The following PCNT variants were observed in gnomAD, a reference collection of about 807,000 sequenced individuals.
PCNT encodes the protein kendrin.
Under a neutral mutation model 380.4 loss-of-function variants are expected in PCNT, and 319 were observed. The ratio of observed to expected loss-of-function variants is 0.84; its 90% confidence interval spans 0.77 to 0.92. The LOEUF is 0.92. Among genes scored for constraint, PCNT ranks in the 40% least tolerant of loss-of-function variants. The pLI is 0.00. For missense variants in PCNT, 4,400 were observed against 4,255.3 expected (o/e 1.03, Z -0.95); for synonymous variants, 1,845 against 1,735.2 (o/e 1.06, Z -1.57).
At chr21:46,372,187 A>G (rs1569214540) in intron 15 of PCNT, among the ~76,000 whole-genome samples, 1 of 150,132 alleles carries the variant, frequency 6.7e-6, no homozygotes, top group Non-Finnish European at 1.5e-5. Context: ...ACATGCACAC[A>G]CAGCACACAC....
rs1403336685 is a variant in PCNT at position 46,366,566 on chromosome 21, T to C, written c.2610-18T>C. ...CTGATGCATGTTTAACTGTCCTGTG[T>C]TCACTTTGTTGCCGCAGGTTTTTAG... On this transcript the variant is annotated intron_variant, in intron 14 of 46. Transcript: ENST00000359568. The C allele has an allele frequency of 6.2e-7, 1 of 1,609,620 alleles. No individual in the cohort carries two copies. Among genetic ancestry groups the C allele is most frequent in the Non-Finnish European group, 8.5e-7 (1 of 1,176,030 alleles).
chr21:46,401,535 C>T lies in PCNT; in HGVS notation c.4792-16C>T, dbSNP rs949795274. 5 of 1,448,004 alleles carry T rather than the reference C, an allele frequency of 3.5e-6. No individual in the cohort carries two copies. Among genetic ancestry groups the T allele is most frequent in the Admixed American group, 1.8e-5 (1 of 56,640 alleles). 89.7% of individuals were successfully genotyped at this position (1,448,004 alleles called of 1,614,324 possible). A position where few individuals can be genotyped will look rare whatever the true frequency, so the allele number is the denominator to read the frequency against. ...CCAAATATTTGCCTAAAATAGAGTT[C>T]TTTTTTTTTTAATAGGATAAAGAGG... On this transcript the variant is annotated splice_polypyrimidine_tract_variant and intron_variant, in intron 25 of 46. Coordinates refer to ENST00000359568, the MANE Select transcript of PCNT (RefSeq NM_006031.6).
At chr21:46,341,046 G>A (rs184596812) in intron 3 of PCNT, among the ~76,000 whole-genome samples, 4 of 134,442 alleles carry the variant, frequency 3.0e-5, no homozygotes, top group Non-Finnish European at 6.3e-5. Context: ...ACCATATCCG[G>A]CTGATTTTTG....
chr21:46,400,220 C>T (rs1307206555), intron 25 of PCNT, among the ~76,000 whole-genome samples: 3 of 152,136 alleles, frequency 2.0e-5, no homozygotes, highest in Non-Finnish European at 2.9e-5. Context: ...TTTTGCATTG[C>T]TGGTGTTTGC....
Position 46,445,424 on chromosome 21 carries a change from A to T in PCNT, c.*97A>T. 1.1e-6 allele frequency: 1 copy of T among 931,428 alleles called. No homozygotes were observed. 57.7% of individuals were successfully genotyped at this position (931,428 alleles called of 1,614,324 possible). A position where few individuals can be genotyped will look rare whatever the true frequency, so the allele number is the denominator to read the frequency against. On this transcript the variant is annotated 3_prime_UTR_variant, in exon 47 of 47. Transcript: ENST00000359568. ...AAGCTCGTGGGACAGCATGGGCACT[A>T]CTCTTCATGTGCGGTGACACCAGCC...
intron 29 of PCNT, among the ~76,000 whole-genome samples, chr21:46,414,332 C>T (rs2086921878): frequency 6.6e-6 from 1 of 152,130 alleles, no homozygotes; most frequent in Non-Finnish European, 1.5e-5. Flanking sequence ...ACCTCGCCTC[C>T]TCCAGTCCAA....
intron 34 of PCNT, among the ~76,000 whole-genome samples, chr21:46,428,186 G>A (rs1356342465): frequency 5.3e-5 from 8 of 152,226 alleles, no homozygotes; most frequent in Admixed American, 2.0e-4. Flanking sequence ...AGTGTTGAGA[G>A]TAACTGGCTT....
intron 3 of PCNT, among the ~76,000 whole-genome samples, chr21:46,338,470 T>C (rs1601772116): frequency 6.6e-6 from 1 of 152,342 alleles, no homozygotes; most frequent in East Asian, 1.9e-4. Context: ...AAGCTTTAGA[T>C]TGATCAGTAG....
chr21:46,339,745 A>G (rs2083861029), intron 3 of PCNT, among the ~76,000 whole-genome samples: 1 of 152,146 alleles, frequency 6.6e-6, no homozygotes, highest in Non-Finnish European at 1.5e-5. Context: ...CTTTGGCAAC[A>G]CCCTCACAGA....
chr21:46,416,461 A>G lies in PCNT; in HGVS notation c.6543A>G (p.Glu2181=), dbSNP rs2087029998. 1 of 1,614,096 alleles carries G rather than the reference A, an allele frequency of 6.2e-7. No homozygotes were observed. Among genetic ancestry groups the G allele is most frequent in the Admixed American group, 1.7e-5 (1 of 60,014 alleles). Reference sequence around the variant, plus strand: ...AAATGCCAGATTCTCCCATTCAAGAAAAATCAGAATGTCAGGACATGTCTC... The same window carrying G: ...AAATGCCAGATTCTCCCATTCAAGAGAAATCAGAATGTCAGGACATGTCTC... ...PDEMPDSPIQ[E]KSECQDMSLS... The change falls in exon 30 of 47, where the codon GAA becomes GAG. Residue 2181 remains glutamate, a synonymous_variant. Transcript: ENST00000359568.
intron 11 of PCNT, 33 bp downstream of exon 11, chr21:46,354,101 C>T: frequency 6.3e-7 from 1 of 1,578,288 alleles, no homozygotes; most frequent in Non-Finnish European, 8.7e-7. Flanking sequence ...GTGGGGGAGT[C>T]CTGTGCTCTT....
Position 46,426,069 on chromosome 21 carries a change from CTTTTTTTT to C in PCNT, c.7320+118_7320+125del, listed in dbSNP as rs760416456. ...GCCACGTGGACACTAGGATTTCTTT[CTTTTTTTT>C]TTTTTTTTTTTTTTTTTTTGAGACT... is the stretch of plus-strand genomic sequence containing the variant. On this transcript the variant is annotated intron_variant, in intron 33 of 46. Transcript: ENST00000359568. The C allele has an allele frequency of 1.9e-4, 58 of 309,248 alleles. 1 individual carries two copies. In the Middle Eastern group the frequency reaches 3.0e-3, roughly 16 times the overall value. 19.2% of individuals were successfully genotyped at this position (309,248 alleles called of 1,614,324 possible).
chr21:46,418,412 C>G (rs531640177), intron 31 of PCNT, 106 bp downstream of exon 31: 1 of 753,296 alleles, frequency 1.3e-6, no homozygotes, highest in South Asian at 1.5e-5. Context: ...GTCTGCCCCC[C>G]GCTGACCTCC....
chr21:46,363,334 T>G, intron 13 of PCNT, 146 bp from the exon 14 acceptor site: 1 of 699,932 alleles, frequency 1.4e-6, no homozygotes. Context: ...GTCATCAACA[T>G]GAGAATCATT....
Position 46,425,204 on chromosome 21 carries a change from G to C in PCNT, c.7180-627G>C, listed in dbSNP as rs1275713306. 6.6e-6 allele frequency among the ~76,000 whole-genome samples: 1 copy of C among 152,264 alleles called. No homozygotes were observed. Among genetic ancestry groups the C allele is most frequent in the South Asian group, 2.1e-4 (1 of 4,826 alleles). ...CTGCTTACCCCTCAGCCTCTCTGGC[G>C]AGACAGTCAAGTGTGTGTCCGGACA... On this transcript the variant is annotated intron_variant, in intron 32 of 46. Coordinates refer to ENST00000359568, the MANE Select transcript of PCNT (RefSeq NM_006031.6). This position sits in a 1 kb window ranked among gnomAD's most constrained non-coding sequence, Gnocchi z 4.2.
intron 1 of PCNT, among the ~76,000 whole-genome samples, chr21:46,326,156 T>C (rs1404862295): frequency 1.3e-5 from 2 of 152,246 alleles, no homozygotes; most frequent in Non-Finnish European, 2.9e-5. Context: ...CCGTATGGTT[T>C]TCTTTACCAG....
At chr21:46,354,160 CT>C in intron 11 of PCNT, 92 bp downstream of exon 11, 1 of 1,148,570 alleles carries the variant, frequency 8.7e-7, no homozygotes, top group Non-Finnish European at 1.3e-6. Flanking sequence ...TGTTTCCGTC[CT>C]TCCCACCTTG....
chr21:46,378,082 T>A (rs2085389451), intron 15 of PCNT, among the ~76,000 whole-genome samples: 1 of 152,212 alleles, frequency 6.6e-6, no homozygotes, highest in Non-Finnish European at 1.5e-5. Flanking sequence ...ATGCCCTTTT[T>A]GTTCTGTATT....
Position 46,383,365 on chromosome 21 carries a change from G to A in PCNT, c.3312+1525G>A, listed in dbSNP as rs529757674. 1.3e-4 allele frequency among the ~76,000 whole-genome samples: 19 copies of A among 144,648 alleles called. 1 individual carries two copies. The highest frequency in any genetic ancestry group is 6.5e-4 in the East Asian group (3 of 4,610). The allele number at this position is 144,648 out of a possible 152,430, so 94.9% of individuals were successfully genotyped here. On this transcript the variant is annotated intron_variant, in intron 16 of 46. Coordinates refer to ENST00000359568, the MANE Select transcript of PCNT (RefSeq NM_006031.6). ...ACGGTGTGCATTCAGTGGCGGAAGCGCATTCACCATGTTGTATATTCAGTG... is the reference window on the plus strand; with the variant it reads ...ACGGTGTGCATTCAGTGGCGGAAGCACATTCACCATGTTGTATATTCAGTG...
Sources: gnomAD v4.1 joint callset for allele counts (sites outside exome capture counted in the v4.1 genomes callset) on GRCh38, gnomAD v4.1.1 for gene constraint, Gnocchi (gnomAD v3.1) non-coding constraint, MANE v1.5 for transcripts, NCBI Gene and HGNC (gene_info 2026-07-23, HGNC 2026-07-21) for gene names.